Variants in STK33 observed in about 807,000 individuals in gnomAD.
The protein encoded by STK33 is serine/threonine kinase 33.
In STK33, 52 loss-of-function variants were observed where a neutral mutation model predicts 58.0. The ratio of observed to expected loss-of-function variants is 0.90; its 90% CI spans 0.72 to 1.13. STK33 has a LOEUF of 1.13. STK33 is among the 50% of genes most tolerant of loss of function. The pLI is 0.00. For synonymous variants in STK33, 215 were observed against 200.1 expected, an observed-to-expected ratio of 1.07 and a Z score of -0.63; for missense variants, 630 against 604.2, an observed-to-expected ratio of 1.04 and a Z score of -0.45.
intron 1 of STK33, among the ~76,000 whole-genome samples, chr11:8,497,756 A>G (rs1053790131): frequency 6.6e-6 from 1 of 152,126 alleles, no homozygotes; most frequent in Non-Finnish European, 1.5e-5. Context: ...GCCACCACAC[A>G]TGGCCAATAT....
In STK33 at chr11:8,473,231, A is replaced by T; in HGVS notation, c.271T>A (p.Trp91Arg). Residue 91 changes from tryptophan (W) to arginine (R), a missense_variant, in exon 6 of 16, where the codon TGG becomes AGG. Trp to Arg is a moderately radical substitution (Grantham distance 101). Transcript: ENST00000687296. ...CCTTCTGTAAAGTTGCCCCGACCCC[A>T]TTGTTGCTGAGATGCTTTTCTCTCT... ...NVERKASQQQ[W>R]GRGNFTEGKV... is the part of the protein sequence containing the mutation. The T allele has an allele frequency of 6.2e-7, 1 of 1,612,852 alleles. No homozygotes were observed. Among genetic ancestry groups the T allele is most frequent in the East Asian group, 2.2e-5 (1 of 44,820 alleles).
intron 14 of STK33, among the ~76,000 whole-genome samples, chr11:8,418,877 T>G (rs1941507346): frequency 6.6e-6 from 1 of 152,166 alleles, no homozygotes; most frequent in East Asian, 1.9e-4. Context: ...GCTTGTTGGC[T>G]GCATATATGC....
intron 15 of STK33, among the ~76,000 whole-genome samples, chr11:8,393,187 CCA>C (rs1204510442): frequency 6.6e-6 from 1 of 152,240 alleles, no homozygotes; most frequent in Non-Finnish European, 1.5e-5. Flanking sequence ...GCTTCTAATC[CCA>C]GTCACACTAC....
At chr11:8,375,044 G>T in the STK33 span, among the ~76,000 whole-genome samples, 7 of 152,220 alleles carry the variant, frequency 4.6e-5, no homozygotes, top group African/African-American at 1.7e-4. Context: ...TGTGTTTCCA[G>T]AGGATTCTGA....
intron 1 of STK33, among the ~76,000 whole-genome samples, chr11:8,581,347 A>C (rs1348281499): frequency 6.6e-6 from 1 of 152,058 alleles, no homozygotes; most frequent in Non-Finnish European, 1.5e-5. Flanking sequence ...TGAGACCCCC[A>C]TATATATAAA....
At chr11:8,523,260 G>C (rs1953666489) in intron 1 of STK33, among the ~76,000 whole-genome samples, 1 of 151,504 alleles carries the variant, frequency 6.6e-6, no homozygotes, top group Admixed American at 6.6e-5. Flanking sequence ...CCCATCATCT[G>C]GGATGTGAGG....
intron 1 of STK33, among the ~76,000 whole-genome samples, chr11:8,553,158 CA>C (rs1956423210): frequency 1.8e-5 from 1 of 55,694 alleles, no homozygotes; most frequent in South Asian, 6.4e-4. Context: ...ACTCCGTCTC[CA>C]AAAATAAAAT....
chr11:8,567,917 A>C (rs1957553776), intron 1 of STK33, among the ~76,000 whole-genome samples: 1 of 152,220 alleles, frequency 6.6e-6, no homozygotes, highest in Non-Finnish European at 1.5e-5. Flanking sequence ...TTTAAAAACA[A>C]TATTCAACGG....
intron 1 of STK33, among the ~76,000 whole-genome samples, chr11:8,543,713 T>C (rs1471828867): frequency 2.4e-4 from 36 of 152,152 alleles, no homozygotes; most frequent in Admixed American, 2.4e-3. Flanking sequence ...TAGTCAATAA[T>C]AACTTAATTG....
At chr11:8,432,332 A>G (rs983391508) in intron 14 of STK33, among the ~76,000 whole-genome samples, 2 of 152,212 alleles carry the variant, frequency 1.3e-5, no homozygotes, top group Non-Finnish European at 2.9e-5. Flanking sequence ...AATAAGAAGC[A>G]ATTAACTCCT....
At chr11:8,551,276 C>T (rs917228382) in intron 1 of STK33, among the ~76,000 whole-genome samples, 4 of 151,934 alleles carry the variant, frequency 2.6e-5, no homozygotes, top group African/African-American at 9.7e-5. Flanking sequence ...ACTATAGGTG[C>T]CTACCACCAC....
intron 11 of STK33, among the ~76,000 whole-genome samples, chr11:8,444,890 C>T (rs3969875): frequency 0.53 from 81,204 of 151,872 alleles, 21,879 homozygotes; most frequent in South Asian, 0.64. Flanking sequence ...TTTGGTTCCA[C>T]ATAAACTTTA....
At chr11:8,580,107 A>G (rs2029874865) in intron 1 of STK33, among the ~76,000 whole-genome samples, 1 of 152,122 alleles carries the variant, frequency 6.6e-6, no homozygotes, top group South Asian at 2.1e-4. Flanking sequence ...CAGCAATCCC[A>G]CTGTGGGGTA....
At chr11:8,545,512 C>T (rs1409762904) in intron 1 of STK33, among the ~76,000 whole-genome samples, 1 of 152,028 alleles carries the variant, frequency 6.6e-6, no homozygotes, top group Non-Finnish European at 1.5e-5. Flanking sequence ...CATAACAGTC[C>T]CCTGAATGCG....
intron 1 of STK33, among the ~76,000 whole-genome samples, chr11:8,528,771 T>C (rs1331476979): frequency 6.6e-6 from 1 of 152,178 alleles, no homozygotes; most frequent in East Asian, 1.9e-4. Flanking sequence ...GTGAATTCTG[T>C]GGTATGGCTG....
chr11:8,390,942 A>C (rs1337448573), downstream of STK33, among the ~76,000 whole-genome samples: 2 of 152,332 alleles, frequency 1.3e-5, no homozygotes, highest in East Asian at 3.9e-4. Context: ...TTCATTTTCA[A>C]GCCCAGGGAA....
At chr11:8,363,556 C>A in the STK33 span, among the ~76,000 whole-genome samples, 2 of 152,168 alleles carry the variant, frequency 1.3e-5, no homozygotes, top group Non-Finnish European at 2.9e-5. Flanking sequence ...AAAGTTTGTA[C>A]TTGTGTTTTG....
chr11:8,400,491 T>C (rs1319947299), intron 15 of STK33, among the ~76,000 whole-genome samples: 1 of 152,176 alleles, frequency 6.6e-6, no homozygotes, highest in African/African-American at 2.4e-5. Context: ...GAGCTATCTA[T>C]GACAAACCCA....
At chr11:8,448,167 C>G (rs373461762) in intron 11 of STK33, among the ~76,000 whole-genome samples, 1 of 152,068 alleles carries the variant, frequency 6.6e-6, no homozygotes, top group Non-Finnish European at 1.5e-5. Context: ...TCCATGCTCA[C>G]GGGTAGGAAG....
Sources: gnomAD v4.1 joint callset for allele counts (sites outside exome capture counted in the v4.1 genomes callset) on GRCh38, gnomAD v4.1.1 for gene constraint, MANE v1.5 for transcripts, NCBI Gene and HGNC (gene_info 2026-07-23, HGNC 2026-07-21) for gene names.